ATP1A4: variants seen among roughly 807,000 people sequenced by gnomAD.
The protein encoded by ATP1A4 is sodium/potassium-transporting ATPase subunit alpha-4.
In ATP1A4, 90 loss-of-function variants were observed where a neutral mutation model predicts 114.3. That is an observed-to-expected ratio of 0.79 (90% CI 0.66 to 0.94). The LOEUF is 0.94. Among genes scored for constraint, ATP1A4 ranks in the 40% least tolerant of loss-of-function variants. The pLI is 0.00. For synonymous variants in ATP1A4, 511 were observed against 494.1 expected, an observed-to-expected ratio of 1.03 and a Z score of -0.45; for missense variants, 1,222 against 1,313.6, an observed-to-expected ratio of 0.93 and a Z score of 1.08.
chr1:160,166,129 A>G (rs1653023129), intron 7 of ATP1A4, among the ~76,000 whole-genome samples: 1 of 152,096 alleles, frequency 6.6e-6, no homozygotes, highest in African/African-American at 2.4e-5. Flanking sequence ...AATTAGCTGA[A>G]CATGGTGGTG....
intron 17 of ATP1A4, 143 bp downstream of exon 17, chr1:160,176,745 A>G: frequency 1.8e-6 from 2 of 1,123,264 alleles, no homozygotes; most frequent in Non-Finnish European, 2.5e-6. Flanking sequence ...AGAACCACTC[A>G]TCTCTGATCT....
intron 13 of ATP1A4, 141 bp from the exon 14 acceptor site, chr1:160,173,970 T>C (rs992959055): frequency 3.5e-6 from 4 of 1,128,190 alleles, no homozygotes; most frequent in Non-Finnish European, 5.0e-6. Context: ...ATGTGTCAAT[T>C]TGGGGACAAT....
chr1:160,158,961 G>A, intron 4 of ATP1A4, 41 bp from the exon 5 acceptor site: 1 of 1,594,742 alleles, frequency 6.3e-7, no homozygotes, highest in Non-Finnish European at 8.6e-7. Flanking sequence ...GATGAGGAAA[G>A]CCAAAAGTTT....
intron 3 of ATP1A4, 70 bp downstream of exon 3, chr1:160,155,318 C>T (rs2102009518): frequency 2.3e-6 from 3 of 1,311,192 alleles, no homozygotes; most frequent in Non-Finnish European, 3.2e-6. Context: ...TGCTCAGCAG[C>T]CTAGCACTCC....
chr1:160,166,904 G>A, intron 8 of ATP1A4, 64 bp from the exon 9 acceptor site: 2 of 1,556,914 alleles, frequency 1.3e-6, no homozygotes, highest in Non-Finnish European at 1.8e-6. Flanking sequence ...CAAAGAGGAT[G>A]TGAATAACCG....
At position 160,155,088 on chromosome 1, in the gene ATP1A4, G is replaced by A. The variant is rs1652593810; in HGVS notation, c.251G>A (p.Gly84Glu). 1 of 1,613,902 alleles carries A rather than the reference G, an allele frequency of 6.2e-7. No individual in the cohort carries two copies. Among genetic ancestry groups the A allele is most frequent in the Non-Finnish European group, 8.5e-7 (1 of 1,179,978 alleles). The change falls in exon 3 of 22, where the codon GGA (glycine) becomes GAA (glutamate). Residue 84 changes from glycine to glutamate, a missense_variant. Physicochemically the swap from Gly to Glu is moderately conservative, Grantham distance 98. Coordinates refer to ENST00000368081, the MANE Select transcript of ATP1A4 (RefSeq NM_144699.4). ...GCAAAGGAAATCCTGACTCGAGGTGGACCCAATACTGTTACCCCACCCCCC... is the reference window on the plus strand; with the variant it reads ...GCAAAGGAAATCCTGACTCGAGGTGAACCCAATACTGTTACCCCACCCCCC... The part of the protein sequence containing the change: ...QRAKEILTRG[G>E]PNTVTPPPTT...
At position 160,186,648 on chromosome 1, in the gene ATP1A4, C is replaced by T. The variant is rs552686345; in HGVS notation, c.3062-23C>T. On this transcript the variant is annotated intron_variant, in intron 21 of 21. Coordinates refer to ENST00000368081, the MANE Select transcript of ATP1A4 (RefSeq NM_144699.4). The stretch of plus-strand genomic sequence containing the variant: ...GCCTCTAATTCCTTCTCCCAGTTCA[C>T]GCTGGCCTCTTCTCTTCCACAGGCT... 9.5e-5 allele frequency: 153 copies of T among 1,607,610 alleles called. 1 individual carries two copies. In the South Asian group the frequency reaches 1.4e-3, roughly 15 times the overall value.
Position 160,153,237 on chromosome 1 carries a change from C to T in ATP1A4, c.207+13C>T. Reference sequence around the variant, plus strand: ...GGACCTGACAAAGGTGAGTAAGAAGCTCCCTGAGGAGGCAGAGAGTCTCCA... The same window carrying T: ...GGACCTGACAAAGGTGAGTAAGAAGTTCCCTGAGGAGGCAGAGAGTCTCCA... On this transcript the variant is annotated intron_variant, in intron 2 of 21. Coordinates refer to ENST00000368081, the MANE Select transcript of ATP1A4 (RefSeq NM_144699.4). 6.2e-7 allele frequency: 1 copy of T among 1,611,874 alleles called. No individual in the cohort carries two copies. Among genetic ancestry groups the T allele is most frequent in the Non-Finnish European group, 8.5e-7 (1 of 1,178,276 alleles).
At position 160,173,600 on chromosome 1, in the gene ATP1A4, A is replaced by G. The variant is rs1653343382; in HGVS notation, c.1874A>G (p.Asp625Gly). The G allele has an allele frequency of 6.2e-7, 1 of 1,614,134 alleles. No homozygotes were observed. The highest frequency in any genetic ancestry group is 1.3e-5 in the African/African-American group (1 of 75,060). ...ACCCAGGTGATCATGGTAACAGGAG[A>G]TCATCCCATTACAGCTAAGGCCATT... ...AGIKVIMVTGDHPITAKAIAK... is the reference protein window; with the variant it reads ...AGIKVIMVTGGHPITAKAIAK... The change falls in exon 13 of 22, where the codon GAT becomes GGT. Residue 625 changes from aspartate (D) to glycine (G), a missense_variant. Physicochemically the swap from Asp to Gly is moderately conservative, Grantham distance 94. Coordinates refer to ENST00000368081, the MANE Select transcript of ATP1A4 (RefSeq NM_144699.4).
At chr1:160,174,495 G>T (rs1319313747) in intron 14 of ATP1A4, 84 bp from the exon 15 acceptor site, 64 of 1,543,856 alleles carry the variant, frequency 4.1e-5, no homozygotes, top group Non-Finnish European at 5.4e-5. Context: ...GGAAACAAGG[G>T]ATGCAGAAAG....
At position 160,181,705 on chromosome 1, in the gene ATP1A4, G is replaced by A; in HGVS notation, c.2758G>A (p.Val920Met). 1 of 1,614,140 alleles carries A rather than the reference G, an allele frequency of 6.2e-7. No individual in the cohort carries two copies. ...QQWTYEQRKV[V>M]EFTCQTAFFV... The stretch of plus-strand genomic sequence containing the variant: ...CTAGACCTATGAGCAACGAAAAGTT[G>A]TGGAGTTCACATGCCAAACGGCCTT... Residue 920 changes from valine to methionine, a missense_variant, in exon 19 of 22, where the codon GTG (valine) becomes ATG (methionine). Coordinates refer to ENST00000368081, the MANE Select transcript of ATP1A4 (RefSeq NM_144699.4).
chr1:160,163,086 T>C (rs1256955493), intron 6 of ATP1A4, among the ~76,000 whole-genome samples: 1 of 152,176 alleles, frequency 6.6e-6, no homozygotes, highest in Non-Finnish European at 1.5e-5. Context: ...CAGCTTGCTC[T>C]TTGTGGGAAC....
Position 160,167,006 on chromosome 1 carries a change from C to T in ATP1A4, c.1285C>T (p.Leu429=). 1 of 1,614,222 alleles carries T rather than the reference C, an allele frequency of 6.2e-7. No individual in the cohort carries two copies. Among genetic ancestry groups the T allele is most frequent in the Non-Finnish European group, 8.5e-7 (1 of 1,180,036 alleles). ...FTKSSDTWFM[L]ARIAGLCNRA... ...CAAGAGCTCTGATACCTGGTTTATG[C>T]TGGCCCGAATCGCTGGCCTCTGCAA... The change falls in exon 9 of 22, where the codon CTG becomes TTG. Residue 429 remains leucine (L), a synonymous_variant. Transcript: ENST00000368081.
At chr1:160,155,996 A>G in intron 3 of ATP1A4, 49 bp from the exon 4 acceptor site, 1 of 1,146,980 alleles carries the variant, frequency 8.7e-7, no homozygotes, top group East Asian at 2.3e-5. Flanking sequence ...CTGAGGATGA[A>G]GAAGACGACA....
intron 15 of ATP1A4, 69 bp downstream of exon 15, chr1:160,174,816 C>G: frequency 6.3e-7 from 1 of 1,592,180 alleles, no homozygotes; most frequent in East Asian, 2.2e-5. Context: ...TGTACATCCC[C>G]TCTTTCCGTT....
In ATP1A4 at chr1:160,171,696, T is replaced by C. The variant is rs1487833111; in HGVS notation, c.1793T>C (p.Ile598Thr). Residue 598 changes from isoleucine (I) to threonine (T), a missense_variant, in exon 12 of 22, where the codon ATT (isoleucine) becomes ACT (threonine). Ile to Thr is a moderately conservative substitution (Grantham distance 89, BLOSUM62 -1). Coordinates refer to ENST00000368081, the MANE Select transcript of ATP1A4 (RefSeq NM_144699.4). ...TGTTTTGTGGGCCTCATATCCATGA[T>C]TGACCCTCCCCGAGCTGCAGTGCCT... is the stretch of plus-strand genomic sequence containing the variant. ...NLCFVGLISM[I>T]DPPRAAVPDA... 8 of 1,614,060 alleles carry C rather than the reference T, an allele frequency of 5.0e-6. No homozygotes were observed. Among genetic ancestry groups the C allele is most frequent in the African/African-American group, 1.3e-5 (1 of 74,910 alleles).
chr1:160,172,216 C>G (rs752306405), intron 12 of ATP1A4, among the ~76,000 whole-genome samples: 3 of 152,092 alleles, frequency 2.0e-5, no homozygotes, highest in African/African-American at 7.2e-5. Flanking sequence ...AGCTCCCAGG[C>G]GATGCTGTTG....
At chr1:160,184,097 C>T (rs961382699) in intron 20 of ATP1A4, among the ~76,000 whole-genome samples, 2 of 152,004 alleles carry the variant, frequency 1.3e-5, no homozygotes, top group African/African-American at 2.4e-5. Context: ...GGATTACAGG[C>T]ACGCGTCACC....
intron 4 of ATP1A4, among the ~76,000 whole-genome samples, chr1:160,156,952 A>G (rs944042608): frequency 4.6e-5 from 7 of 152,158 alleles, no homozygotes; most frequent in African/African-American, 1.7e-4. Context: ...ATCTCTACAA[A>G]AAAATTTAAA....
Sources: allele counts gnomAD v4.1 joint callset (sites outside exome capture counted in the v4.1 genomes callset), GRCh38; gene constraint gnomAD v4.1.1; transcripts MANE v1.5; gene names NCBI Gene and HGNC (gene_info 2026-07-23, HGNC 2026-07-21).